FGF12: variants seen among roughly 807,000 people sequenced by gnomAD.
FGF12 encodes fibroblast growth factor 12B.
In FGF12, 14 loss-of-function variants were observed where a neutral mutation model predicts 23.6. That is an observed-to-expected ratio of 0.59 (90% CI 0.39 to 0.93). The LOEUF is 0.93. Among genes scored for constraint, FGF12 ranks in the 40% least tolerant of loss-of-function variants. FGF12 has a pLI of 0.00. For synonymous variants in FGF12, 62 were observed against 77.3 expected, an observed-to-expected ratio of 0.80 and a Z score of 1.04; for missense variants, 175 against 217.8, an observed-to-expected ratio of 0.80 and a Z score of 1.24.
chr3:192,271,465 T>A (rs1486761097), intron 4 of FGF12, among the ~76,000 whole-genome samples: 1 of 152,160 alleles, frequency 6.6e-6, no homozygotes, highest in Non-Finnish European at 1.5e-5. Context: ...CTGATTTGGC[T>A]CAGAATTCCT....
intron 2 of FGF12, among the ~76,000 whole-genome samples, chr3:192,721,109 GA>G (rs1719025944): frequency 6.6e-6 from 1 of 152,156 alleles, no homozygotes; most frequent in African/African-American, 2.4e-5. Context: ...GGGAGTTAAT[GA>G]AGGGTGATTT....
At chr3:192,496,139 C>T (rs187263065) in intron 2 of FGF12, among the ~76,000 whole-genome samples, 1 of 152,280 alleles carries the variant, frequency 6.6e-6, no homozygotes, top group Middle Eastern at 3.4e-3. Context: ...AGGAGAAATT[C>T]AAAACCAAGA....
chr3:192,403,122 G>A (rs1367651951), intron 2 of FGF12, among the ~76,000 whole-genome samples: 1 of 152,054 alleles, frequency 6.6e-6, no homozygotes, highest in East Asian at 1.9e-4. Flanking sequence ...AAAATTTCCA[G>A]AGCAAATTTA....
At chr3:192,562,683 G>A (rs1712097704) in intron 2 of FGF12, among the ~76,000 whole-genome samples, 1 of 151,386 alleles carries the variant, frequency 6.6e-6, no homozygotes, top group African/African-American at 2.4e-5. Flanking sequence ...CAACTAGTAT[G>A]GAAATTTGGG....
intron 3 of FGF12, among the ~76,000 whole-genome samples, chr3:192,358,736 T>C (rs939404857): frequency 3.3e-5 from 5 of 152,208 alleles, no homozygotes; most frequent in African/African-American, 9.6e-5. Context: ...GCAAGATAGT[T>C]GGCTGGGTAA....
chr3:192,611,425 G>A (rs1480180085), intron 2 of FGF12, among the ~76,000 whole-genome samples: 2 of 151,990 alleles, frequency 1.3e-5, no homozygotes, highest in Non-Finnish European at 2.9e-5. Flanking sequence ...ATGTTTTACG[G>A]GTGTGTTCAT....
rs1411446701 is a variant in FGF12 at position 192,141,305 on chromosome 3, T to A, written c.*2704A>T. The stretch of plus-strand genomic sequence containing the variant: ...TTTTTGGATGAAGTTGGATATTATA[T>A]GTTTACACATGGTAATATTTTTAAA... On this transcript the variant is annotated 3_prime_UTR_variant, in exon 6 of 6. Transcript: ENST00000445105. The A allele has an allele frequency of 6.6e-6, 1 of 151,970 alleles. No individual in the cohort carries two copies. Among genetic ancestry groups the A allele is most frequent in the Admixed American group, 6.6e-5 (1 of 15,262 alleles). 9.4% of individuals were successfully genotyped at this position (151,970 alleles called of 1,614,324 possible).
intron 2 of FGF12, among the ~76,000 whole-genome samples, chr3:192,568,998 G>A (rs950566506): frequency 1.3e-5 from 2 of 152,162 alleles, no homozygotes; most frequent in Non-Finnish European, 2.9e-5. Context: ...TTGAATAAAT[G>A]TTATTAGCTG....
intron 4 of FGF12, among the ~76,000 whole-genome samples, chr3:192,231,857 G>A (rs1442498795): frequency 4.0e-5 from 6 of 151,776 alleles, no homozygotes; most frequent in African/African-American, 1.5e-4. Context: ...GAAAACCATC[G>A]ACTAGATTAA....
chr3:192,521,160 A>G (rs1348669037), intron 2 of FGF12: 1 of 152,216 alleles, frequency 6.6e-6, no homozygotes, highest in Non-Finnish European at 1.5e-5. Context: ...CCTTACCAAC[A>G]TAATGTATTG....
chr3:192,413,110 T>C (rs1458975802), intron 2 of FGF12, among the ~76,000 whole-genome samples: 1 of 152,238 alleles, frequency 6.6e-6, no homozygotes, highest in Admixed American at 6.5e-5. Flanking sequence ...ACATGGGCAG[T>C]CTTAATTATC....
At position 192,194,044 on chromosome 3, in the gene FGF12, T is replaced by C. The variant is rs573573396; in HGVS notation, c.229-23388A>G. On this transcript the variant is annotated intron_variant, in intron 4 of 5. Coordinates refer to ENST00000445105, the MANE Select transcript of FGF12 (RefSeq NM_004113.6). ...CTTCTCCAACTCATACAGCCCTGTATTTCTGGTCCTAACATAATGTTCAAA... is the reference window on the plus strand; with the variant it reads ...CTTCTCCAACTCATACAGCCCTGTACTTCTGGTCCTAACATAATGTTCAAA... Among the ~76,000 whole-genome samples the C allele has an allele frequency of 7.0e-4, 107 of 152,338 alleles. 1 individual carries two copies. The highest frequency in any genetic ancestry group is 1.8e-3 in the Admixed American group (28 of 15,292).
intron 2 of FGF12, among the ~76,000 whole-genome samples, chr3:192,590,855 C>A (rs73060530): frequency 0.023 from 3,422 of 151,962 alleles, 98 homozygotes; most frequent in African/African-American, 0.059. Context: ...AACAAAAAAA[C>A]AGCTCCAGCC....
intron 2 of FGF12, among the ~76,000 whole-genome samples, chr3:192,526,290 G>C (rs926505327): frequency 6.6e-6 from 1 of 152,234 alleles, no homozygotes; most frequent in African/African-American, 2.4e-5. Context: ...TCACACAATA[G>C]TCTCTGATTT....
At chr3:192,177,823 T>A (rs1715944095) in intron 4 of FGF12, among the ~76,000 whole-genome samples, 1 of 152,220 alleles carries the variant, frequency 6.6e-6, no homozygotes, top group Non-Finnish European at 1.5e-5. Flanking sequence ...TGTAACTACC[T>A]CAGAGAAAGC....
intron 2 of FGF12, among the ~76,000 whole-genome samples, chr3:192,537,671 C>A (rs1725258160): frequency 6.6e-6 from 1 of 151,484 alleles, no homozygotes; most frequent in Non-Finnish European, 1.5e-5. Flanking sequence ...GTTGTTTGAG[C>A]TTCTCATATA....
At chr3:192,446,938 G>T (rs1722371994) in intron 2 of FGF12, among the ~76,000 whole-genome samples, 1 of 152,084 alleles carries the variant, frequency 6.6e-6, no homozygotes, top group Admixed American at 6.6e-5. Flanking sequence ...TTTTACATTT[G>T]GCAGATTTCT....
At chr3:192,339,627 C>T (rs1717597596) in intron 3 of FGF12, among the ~76,000 whole-genome samples, 1 of 152,174 alleles carries the variant, frequency 6.6e-6, no homozygotes, top group South Asian at 2.1e-4. Flanking sequence ...TATCTTCCCA[C>T]TTCTAAATTT....
intron 2 of FGF12, among the ~76,000 whole-genome samples, chr3:192,415,539 G>A (rs192155339): frequency 5.9e-5 from 9 of 152,062 alleles, no homozygotes; most frequent in African/African-American, 2.2e-4. Flanking sequence ...ATAAGCTCAG[G>A]TAACTCAAGG....
Sources: gnomAD v4.1 joint callset for allele counts (sites outside exome capture counted in the v4.1 genomes callset) on GRCh38, gnomAD v4.1.1 for gene constraint, MANE v1.5 for transcripts, NCBI Gene and HGNC (gene_info 2026-07-23, HGNC 2026-07-21) for gene names.